The following KPNA5 variants were observed in gnomAD, a reference collection of about 807,000 sequenced individuals.
The protein encoded by KPNA5 is karyopherin subunit alpha 5, also known as importin subunit alpha-6.
A neutral mutation model predicts 71.3 loss-of-function variants in KPNA5; 46 were observed. The observed-to-expected ratio is 0.65, with a 90% CI of 0.51 to 0.83. The LOEUF is 0.83. KPNA5 is among the 40% of genes least tolerant of loss of function. The probability of loss-of-function intolerance (pLI) is 0.00; values close to 1 mark genes in which losing one functional copy is unlikely to be tolerated. For missense variants in KPNA5, 547 were observed against 628.3 expected (o/e 0.87, Z 1.38); for synonymous variants, 207 against 201.4 (o/e 1.03, Z -0.24).
intron 4 of KPNA5, among the ~76,000 whole-genome samples, chr6:116,696,519 C>T (rs1778035079): frequency 6.6e-6 from 1 of 152,172 alleles, no homozygotes; most frequent in Non-Finnish European, 1.5e-5. Context: ...CCAGCTTTTA[C>T]TCCTCTGACT....
At chr6:116,704,966 A>G in intron 6 of KPNA5, 106 bp from the exon 7 acceptor site, 1 of 636,122 alleles carries the variant, frequency 1.6e-6, no homozygotes, top group Middle Eastern at 4.5e-4. Flanking sequence ...TTTTTTTTTA[A>G]CATATCAGAA....
chr6:116,708,596 G>T (rs1449111617), intron 7 of KPNA5, among the ~76,000 whole-genome samples: 1 of 152,026 alleles, frequency 6.6e-6, no homozygotes, highest in Non-Finnish European at 1.5e-5. Context: ...ATTAATTAAG[G>T]TCTTTAATTT....
intron 8 of KPNA5, among the ~76,000 whole-genome samples, chr6:116,717,447 A>G (rs1053694922): frequency 6.6e-6 from 1 of 152,158 alleles, no homozygotes; most frequent in African/African-American, 2.4e-5. Context: ...TGTTACCACT[A>G]TTTTTAATAA....
At chr6:116,695,131 C>G (rs559907746) in intron 4 of KPNA5, among the ~76,000 whole-genome samples, 2 of 151,908 alleles carry the variant, frequency 1.3e-5, no homozygotes, top group Non-Finnish European at 2.9e-5. Context: ...TTAGTAGAGT[C>G]AGGGTTTTGT....
chr6:116,700,161 G>A (rs9481660), intron 5 of KPNA5, among the ~76,000 whole-genome samples: 4,289 of 152,188 alleles, frequency 0.028, 174 homozygotes, highest in African/African-American at 0.085. Flanking sequence ...AGAGGATAGC[G>A]TGTGTAGACA....
In KPNA5 at chr6:116,729,745, A is replaced by C; in HGVS notation, c.1432+4A>C. On this transcript the variant is annotated splice_donor_region_variant and intron_variant, in intron 13 of 13. Coordinates refer to ENST00000368564, the MANE Select transcript of KPNA5 (RefSeq NM_001366306.2). ...GCTCTCATTGAAGAAGCATATGGTA[A>C]GCAATCAGTTAAAAATTTGCAATTA... 1 of 1,482,566 alleles carries C rather than the reference A, an allele frequency of 6.7e-7. No homozygotes were observed. Among genetic ancestry groups the C allele is most frequent in the South Asian group, 1.4e-5 (1 of 68,994 alleles). The allele number at this position is 1,482,566 out of a possible 1,614,324, so 91.8% of individuals were successfully genotyped here.
Position 116,739,049 on chromosome 6 carries a change from A to G in KPNA5, c.*6726A>G, listed in dbSNP as rs1368673276. On this transcript the variant is annotated 3_prime_UTR_variant, in exon 14 of 14. Coordinates refer to ENST00000368564, the MANE Select transcript of KPNA5 (RefSeq NM_001366306.2). ...ATAAAGGGTATTCAATTAGGAAAAG[A>G]GGAAATCAAATTGTCCCTGTTTGCA... 6.6e-6 allele frequency: 1 copy of G among 152,096 alleles called. No individual in the cohort carries two copies. The highest frequency in any genetic ancestry group is 1.5e-5 in the Non-Finnish European group (1 of 68,022). The allele number at this position is 152,096 out of a possible 1,614,324, so 9.4% of individuals were successfully genotyped here. A position where few individuals can be genotyped will look rare whatever the true frequency, so the allele number is the denominator to read the frequency against.
rs537271450 is a variant in KPNA5, at chr6:116,711,184, G to A, written c.657-5035G>A. ...GCTGGGATTACAGGTGTGAGCCACCGCGCCCAGCCAAATTGTAGTAATATG... is the reference window on the plus strand; with the variant it reads ...GCTGGGATTACAGGTGTGAGCCACCACGCCCAGCCAAATTGTAGTAATATG... On this transcript the variant is annotated intron_variant, in intron 7 of 13. Transcript: ENST00000368564. Among the ~76,000 whole-genome samples, 268 of 150,968 alleles carry A rather than the reference G, an allele frequency of 1.8e-3. 1 individual carries two copies. The highest frequency in any genetic ancestry group is 3.0e-3 in the Non-Finnish European group (206 of 67,772).
At chr6:116,716,918 A>G (rs1267601346) in intron 8 of KPNA5, among the ~76,000 whole-genome samples, 1 of 152,128 alleles carries the variant, frequency 6.6e-6, no homozygotes, top group Non-Finnish European at 1.5e-5. Context: ...GGGATAAAAA[A>G]TAATACATTT....
In KPNA5 at chr6:116,736,387, A is replaced by T; in HGVS notation, c.*4064A>T. Reference sequence around the variant, plus strand: ...TTGGAAATGGGAGGTGACTGGGTACAAAGTTTCTTCTTTGAGCAATAAAAA... The same window carrying T: ...TTGGAAATGGGAGGTGACTGGGTACTAAGTTTCTTCTTTGAGCAATAAAAA... On this transcript the variant is annotated 3_prime_UTR_variant, in exon 14 of 14. Transcript: ENST00000368564. 6.6e-6 allele frequency: 1 copy of T among 151,846 alleles called. No individual in the cohort carries two copies. Among genetic ancestry groups the T allele is most frequent in the Admixed American group, 6.6e-5 (1 of 15,198 alleles). The allele number at this position is 151,846 out of a possible 1,614,324, so 9.4% of individuals were successfully genotyped here.
rs528207594 is a variant in KPNA5, at chr6:116,712,790, C to CT, written c.657-3420dup. Among the ~76,000 whole-genome samples, 1,040 of 151,534 alleles carry CT rather than the reference C, an allele frequency of 6.9e-3. 13 individuals are homozygous for CT. The highest frequency in any genetic ancestry group is 0.023 in the African/African-American group (937 of 41,384). ...ATTGTTATTTGTTTTCCACATGTCA[C>CT]TTTTTTTTTAAAATAATTTATACTA... is the stretch of plus-strand genomic sequence containing the variant. On this transcript the variant is annotated intron_variant, in intron 7 of 13. Coordinates refer to ENST00000368564, the MANE Select transcript of KPNA5 (RefSeq NM_001366306.2).
intron 12 of KPNA5, among the ~76,000 whole-genome samples, chr6:116,726,868 A>C (rs1779311025): frequency 1.3e-5 from 2 of 152,042 alleles, no homozygotes; most frequent in Non-Finnish European, 2.9e-5. Flanking sequence ...CCAAACGGGA[A>C]CGGTCTATGT....
Position 116,697,930 on chromosome 6 carries a change from G to C in KPNA5, c.341-774G>C, listed in dbSNP as rs187969989. ...AGGAAAGGAGAATTCGGTTAAGGTT[G>C]TAAGGTCTGTGAATTATCACAAATA... On this transcript the variant is annotated intron_variant, in intron 4 of 13. Transcript: ENST00000368564. 1.3e-5 allele frequency among the ~76,000 whole-genome samples: 2 copies of C among 152,104 alleles called. 1 individual carries two copies. The highest frequency in any genetic ancestry group is 3.9e-4 in the East Asian group (2 of 5,184).
chr6:116,708,602 AATTTT>A, intron 7 of KPNA5, among the ~76,000 whole-genome samples: 1 of 152,160 alleles, frequency 6.6e-6, no homozygotes, highest in Non-Finnish European at 1.5e-5. Context: ...TAAGGTCTTT[AATTTT>A]AACAACATTT....
chr6:116,712,441 T>C (rs1778735573), intron 7 of KPNA5, among the ~76,000 whole-genome samples: 1 of 152,244 alleles, frequency 6.6e-6, no homozygotes. Flanking sequence ...AATCTTTTTC[T>C]ATTTCACTTT....
At chr6:116,687,864 C>T (rs1331565605) in intron 1 of KPNA5, among the ~76,000 whole-genome samples, 2 of 152,218 alleles carry the variant, frequency 1.3e-5, no homozygotes, top group Non-Finnish European at 2.9e-5. Flanking sequence ...CTATCTCTCT[C>T]TCTGAACTAT....
intron 4 of KPNA5, 130 bp downstream of exon 4, chr6:116,692,522 A>G (rs1777843584): frequency 1.6e-6 from 1 of 615,072 alleles, no homozygotes; most frequent in Admixed American, 3.5e-5. Context: ...TCTGCAAAAT[A>G]TATTGTAAAG....
chr6:116,705,837 A>G (rs1188763163), intron 7 of KPNA5, among the ~76,000 whole-genome samples: 1 of 152,186 alleles, frequency 6.6e-6, no homozygotes, highest in Non-Finnish European at 1.5e-5. Context: ...TGCGTTTTCC[A>G]TGCTCTCCAG....
intron 8 of KPNA5, among the ~76,000 whole-genome samples, chr6:116,720,222 G>C (rs1779051036): frequency 6.6e-6 from 1 of 152,296 alleles, no homozygotes; most frequent in African/African-American, 2.4e-5. Flanking sequence ...GGAGTTGATG[G>C]TGGGGAGATA....
Sources: allele counts gnomAD v4.1 joint callset (sites outside exome capture counted in the v4.1 genomes callset), GRCh38; gene constraint gnomAD v4.1.1; transcripts MANE v1.5; gene names NCBI Gene and HGNC (gene_info 2026-07-23, HGNC 2026-07-21).